TMEM258: variants seen among roughly 807,000 people sequenced by gnomAD.
TMEM258 encodes the protein dolichyl-diphosphooligosaccharide--protein glycosyltransferase subunit TMEM258.
TMEM258 carries 11 observed loss-of-function variants against 9.9 expected under a neutral mutation model. The ratio of observed to expected loss-of-function variants is 1.11; its 90% CI spans 0.70 to 1.85. The LOEUF (loss-of-function observed/expected upper bound fraction) is 1.85, where lower values mean the gene tolerates loss of function less well. Among genes scored for constraint, TMEM258 ranks in the 40% most tolerant of loss-of-function variants. TMEM258 has a pLI of 0.00. For missense variants in TMEM258, 81 were observed against 99.7 expected, an observed-to-expected ratio of 0.81 and a Z score of 0.80; for synonymous variants, 40 against 39.1, an observed-to-expected ratio of 1.02 and a Z score of -0.09.
chr11:61,790,667 C>A (rs1037505299), intron 1 of TMEM258, 65 bp from the exon 2 acceptor site: 2 of 1,425,288 alleles, frequency 1.4e-6, no homozygotes, highest in African/African-American at 1.4e-5. Flanking sequence ...AGAGAACATG[C>A]GGTTATCAAG....
intron 1 of TMEM258, chr11:61,792,024 A>C (rs2066788113): frequency 6.5e-6 from 1 of 152,914 alleles, no homozygotes; most frequent in Non-Finnish European, 1.5e-5. Flanking sequence ...TGAGCTTCCA[A>C]TTACGGGCCC....
At chr11:61,790,320 G>A (rs921951535) in intron 2 of TMEM258, 173 bp downstream of exon 2, 3 of 651,292 alleles carry the variant, frequency 4.6e-6, no homozygotes, top group South Asian at 3.8e-5. Flanking sequence ...CCTGAACTTG[G>A]GAAATAAGGC....
intron 1 of TMEM258, chr11:61,792,349 C>G (rs1056115661): frequency 4.8e-6 from 3 of 621,594 alleles, no homozygotes; most frequent in Non-Finnish European, 8.5e-6. Context: ...ATTCGCCCCA[C>G]GCCTCTCGCC....
In TMEM258 at chr11:61,789,938, A is replaced by G; in HGVS notation, c.114-17T>C. 1 of 1,610,284 alleles carries G rather than the reference A, an allele frequency of 6.2e-7. No individual in the cohort carries two copies. On this transcript the variant is annotated splice_polypyrimidine_tract_variant and intron_variant, in intron 2 of 3. Transcript: ENST00000537328. ...ACCTCGTAACTGGGCACAGCAGTTA[A>G]GGCAAAGCGAAGGGGTGGACTGTGG...
intron 1 of TMEM258, chr11:61,792,159 G>A: frequency 3.4e-6 from 1 of 291,204 alleles, no homozygotes; most frequent in Non-Finnish European, 6.7e-6. Flanking sequence ...CCAGAGATCT[G>A]TACAGAGGCT....
At chr11:61,789,704 G>T in intron 3 of TMEM258, 81 bp downstream of exon 3, 1 of 1,464,384 alleles carries the variant, frequency 6.8e-7, no homozygotes, top group Non-Finnish European at 9.0e-7. Flanking sequence ...GAGCTTTAAG[G>T]ACCCTGCTGA....
In TMEM258 at chr11:61,792,564, C is replaced by T. The variant is rs531718266; in HGVS notation, c.-6G>A. On this transcript the variant is annotated 5_prime_UTR_variant, in exon 1 of 4. Coordinates refer to ENST00000537328, the MANE Select transcript of TMEM258 (RefSeq NM_014206.4). ...CCCCTCAACGCTCTCACCATTTTGC[C>T]CCGCGAAGGCTAATCCGCCGCTCCG... 6.2e-7 allele frequency: 1 copy of T among 1,613,904 alleles called. No homozygotes were observed. The highest frequency in any genetic ancestry group is 1.1e-5 in the South Asian group (1 of 91,086).
chr11:61,791,328 A>G (rs1174244150), intron 1 of TMEM258: 1 of 149,792 alleles, frequency 6.7e-6, no homozygotes, highest in African/African-American at 2.5e-5. Flanking sequence ...AGTGGTGCCA[A>G]CTCGGCTCAC....
Position 61,789,121 on chromosome 11 carries a change from A to C in TMEM258, c.*125T>G, listed in dbSNP as rs2066761227. 2 of 152,816 alleles carry C rather than the reference A, an allele frequency of 1.3e-5. No individual in the cohort carries two copies. Among genetic ancestry groups the C allele is most frequent in the South Asian group, 4.1e-4 (2 of 4,840 alleles). 9.5% of individuals were successfully genotyped at this position (152,816 alleles called of 1,614,324 possible). On this transcript the variant is annotated 3_prime_UTR_variant, in exon 4 of 4. Coordinates refer to ENST00000537328, the MANE Select transcript of TMEM258 (RefSeq NM_014206.4). The stretch of plus-strand genomic sequence containing the variant: ...CCACCACCCCTGCAGAATGGGCCCC[A>C]GACAGGACTGCTATACATCTGCATT...
rs757464954 is a variant in TMEM258, at chr11:61,789,765, C to T, written c.*10+20G>A. 1 of 1,598,398 alleles carries T rather than the reference C, an allele frequency of 6.3e-7. No homozygotes were observed. Among genetic ancestry groups the T allele is most frequent in the South Asian group, 1.1e-5 (1 of 88,600 alleles). ...GCTGTGCCTTGGAGGCTCACGCATC[C>T]ATCCCATTGCAGCTCTTACCCTTGG... On this transcript the variant is annotated intron_variant, in intron 3 of 3. Coordinates refer to ENST00000537328, the MANE Select transcript of TMEM258 (RefSeq NM_014206.4).
Position 61,788,965 on chromosome 11 carries a change from A to G in TMEM258, c.*281T>C, listed in dbSNP as rs1329992026. The stretch of plus-strand genomic sequence containing the variant: ...CAGACCCTATCCACAGGTAAGCCTT[A>G]AATTCCAATGACAAAACACCGGTGC... On this transcript the variant is annotated 3_prime_UTR_variant, in exon 4 of 4. Coordinates refer to ENST00000537328, the MANE Select transcript of TMEM258 (RefSeq NM_014206.4). 1 of 152,202 alleles carries G rather than the reference A, an allele frequency of 6.6e-6. No individual in the cohort carries two copies. Among genetic ancestry groups the G allele is most frequent in the Non-Finnish European group, 1.5e-5 (1 of 68,052 alleles). The allele number at this position is 152,202 out of a possible 1,614,324, so 9.4% of individuals were successfully genotyped here. A position where few individuals can be genotyped will look rare whatever the true frequency, so the allele number is the denominator to read the frequency against.
chr11:61,790,670 T>C, intron 1 of TMEM258, 68 bp from the exon 2 acceptor site: 1 of 1,381,384 alleles, frequency 7.2e-7, no homozygotes. Flanking sequence ...GAACATGCGG[T>C]TATCAAGGAG....
intron 2 of TMEM258, 148 bp from the exon 3 acceptor site, chr11:61,790,069 ATGCCTTGGACTCTG>A: frequency 1.0e-6 from 1 of 978,164 alleles, no homozygotes; most frequent in Non-Finnish European, 1.5e-6. Context: ...GGCCTAAGAG[ATGCCTTGGACTCTG>A]GTGCTCCACT....
chr11:61,792,046 C>T (rs1280824572), intron 1 of TMEM258: 1 of 153,672 alleles, frequency 6.5e-6, no homozygotes, highest in Non-Finnish European at 1.5e-5. Flanking sequence ...CTGTTTGGCA[C>T]TGAGAATACA....
At chr11:61,791,367 A>T (rs2135927105) in intron 1 of TMEM258, 1 of 151,702 alleles carries the variant, frequency 6.6e-6, no homozygotes. Context: ...GGTTCAAGTG[A>T]TTATCCTGCC....
At position 61,792,548 on chromosome 11, in the gene TMEM258, G is replaced by A. The variant is rs1275123149; in HGVS notation, c.3+8C>T. ...ATCTCCGTCTGGAACTCCCCTCAAC[G>A]CTCTCACCATTTTGCCCCGCGAAGG... On this transcript the variant is annotated splice_region_variant and intron_variant, in intron 1 of 3. Coordinates refer to ENST00000537328, the MANE Select transcript of TMEM258 (RefSeq NM_014206.4). 5 of 1,613,842 alleles carry A rather than the reference G, an allele frequency of 3.1e-6. No homozygotes were observed. The highest frequency in any genetic ancestry group is 3.4e-6 in the Non-Finnish European group (4 of 1,179,926).
At position 61,789,000 on chromosome 11, in the gene TMEM258, C is replaced by T. The variant is rs2066760128; in HGVS notation, c.*246G>A. The stretch of plus-strand genomic sequence containing the variant: ...GACAAAACACCGGTGCTACACAAAT[C>T]TCATCCCCCTTAAGTAGATCAGCAG... On this transcript the variant is annotated 3_prime_UTR_variant, in exon 4 of 4. Coordinates refer to ENST00000537328, the MANE Select transcript of TMEM258 (RefSeq NM_014206.4). 1 of 152,288 alleles carries T rather than the reference C, an allele frequency of 6.6e-6. No homozygotes were observed. Among genetic ancestry groups the T allele is most frequent in the Non-Finnish European group, 1.5e-5 (1 of 68,092 alleles). The allele number at this position is 152,288 out of a possible 1,614,324, so 9.4% of individuals were successfully genotyped here. A position where few individuals can be genotyped will look rare whatever the true frequency, so the allele number is the denominator to read the frequency against.
chr11:61,790,430 G>A, intron 2 of TMEM258, 63 bp downstream of exon 2: 1 of 1,453,612 alleles, frequency 6.9e-7, no homozygotes, highest in Non-Finnish European at 9.5e-7. Context: ...TACCTAGCGT[G>A]GTTTCTCCCT....
chr11:61,790,948 T>G (rs1338966358), intron 1 of TMEM258, among the ~76,000 whole-genome samples: 4 of 152,154 alleles, frequency 2.6e-5, no homozygotes, highest in Admixed American at 2.6e-4. Context: ...ATATCTTTTT[T>G]TTTTGACGGA....
Sources: allele counts gnomAD v4.1 joint callset (sites outside exome capture counted in the v4.1 genomes callset), GRCh38; gene constraint gnomAD v4.1.1; transcripts MANE v1.5; gene names NCBI Gene and HGNC (gene_info 2026-07-23, HGNC 2026-07-21).